The following DMD variants were observed in gnomAD, a reference collection of about 807,000 sequenced individuals.
DMD encodes the protein mutant dystrophin.
In DMD, 63 loss-of-function variants were observed where a neutral mutation model predicts 330.1. That is an observed-to-expected ratio of 0.19 (90% CI 0.16 to 0.24). DMD has a LOEUF of 0.24. DMD is among the 10% of genes least tolerant of loss of function. The pLI is 1.00. For missense variants in DMD, 3,344 were observed against 2,684.1 expected, an observed-to-expected ratio of 1.25 and a Z score of -5.43; for synonymous variants, 1,223 against 959.8, an observed-to-expected ratio of 1.27 and a Z score of -5.07.
chrX:32,008,005 AG>A (rs200189297), intron 44 of DMD, among the ~76,000 whole-genome samples: 1,556 of 111,503 alleles, frequency 0.014, 33 homozygotes, highest in African/African-American at 0.048. Flanking sequence ...TTACTAAAAA[AG>A]AAATTATCTG....
chrX:32,732,287 T>C (rs914578896), intron 7 of DMD, among the ~76,000 whole-genome samples: 2 of 111,178 alleles, frequency 1.8e-5, no homozygotes, highest in Non-Finnish European at 3.8e-5. Context: ...TACGTCTGAT[T>C]GGTGTACCTG....
chrX:31,166,666 A>C (rs1008963137), intron 74 of DMD, among the ~76,000 whole-genome samples: 1 of 111,338 alleles, frequency 9.0e-6, no homozygotes, highest in African/African-American at 3.3e-5. Flanking sequence ...AGGGTAGCGA[A>C]GGCAAATCTA....
intron 54 of DMD, among the ~76,000 whole-genome samples, chrX:31,647,682 T>C (rs1216053194): frequency 5.3e-5 from 6 of 112,261 alleles, no homozygotes; most frequent in African/African-American, 1.9e-4. Context: ...AGTAATTGTA[T>C]GAGCGGCCAT....
At chrX:32,922,031 T>C (rs2088468176) in intron 2 of DMD, among the ~76,000 whole-genome samples, 1 of 111,094 alleles carries the variant, frequency 9.0e-6, no homozygotes, top group Admixed American at 9.6e-5. Flanking sequence ...AGCTACCTCA[T>C]GATTACAGAT....
chrX:31,762,523 C>A (rs941740641), intron 51 of DMD, among the ~76,000 whole-genome samples: 1 of 111,491 alleles, frequency 9.0e-6, no homozygotes, highest in Non-Finnish European at 1.9e-5. Flanking sequence ...GAGTCGAGAT[C>A]GCGCCACTGC....
intron 7 of DMD, among the ~76,000 whole-genome samples, chrX:32,775,068 T>C (rs2074003052): frequency 8.9e-6 from 1 of 112,391 alleles, no homozygotes; most frequent in Non-Finnish European, 1.9e-5. Flanking sequence ...AAGTTTGAAA[T>C]GCAGCCAGGC....
chrX:31,508,679 T>C (rs1603283341), intron 55 of DMD, among the ~76,000 whole-genome samples: 3 of 112,070 alleles, frequency 2.7e-5, no homozygotes, highest in Non-Finnish European at 5.6e-5. Flanking sequence ...CTTTGTATAT[T>C]ATCTGACTTG....
chrX:31,754,056 G>A (rs1477802817), intron 51 of DMD, among the ~76,000 whole-genome samples: 4 of 111,426 alleles, frequency 3.6e-5, no homozygotes, highest in Non-Finnish European at 5.7e-5. Context: ...TGGCATGGCT[G>A]TACTAATCCA....
intron 11 of DMD, among the ~76,000 whole-genome samples, chrX:32,636,985 G>T (rs1427873341): frequency 9.2e-6 from 1 of 109,044 alleles, no homozygotes; most frequent in Non-Finnish European, 1.9e-5. Context: ...GAGACAGGGA[G>T]ACTCTGTCTC....
chrX:32,060,448 C>A (rs2096214720), intron 44 of DMD, among the ~76,000 whole-genome samples: 1 of 111,340 alleles, frequency 9.0e-6, no homozygotes, highest in African/African-American at 3.3e-5. Context: ...CTTCCTGCAA[C>A]CTTACCACAG....
intron 60 of DMD, among the ~76,000 whole-genome samples, chrX:31,372,406 G>T (rs1481556702): frequency 8.9e-6 from 1 of 111,800 alleles, no homozygotes; most frequent in African/African-American, 3.3e-5. Context: ...AATGAAAGAT[G>T]AATTGAAGGA....
rs745399882 is a variant in DMD at position 32,672,613 on chromosome X, C to T, written c.960+25257G>A. Among the ~76,000 whole-genome samples the T allele has an allele frequency of 9.9e-5, 11 of 110,742 alleles. No homozygotes were observed. The South Asian group carries it at 4.2e-3, about 42-fold the overall frequency. ...GGGACATAGAACAAAAATCCAACTACAACATTTTATGCTTTAACACAGTAT... is the reference window on the plus strand; with the variant it reads ...GGGACATAGAACAAAAATCCAACTATAACATTTTATGCTTTAACACAGTAT... On this transcript the variant is annotated intron_variant, in intron 9 of 78. Transcript: ENST00000357033.
At chrX:31,759,566 A>G (rs2089408804) in intron 51 of DMD, among the ~76,000 whole-genome samples, 1 of 111,999 alleles carries the variant, frequency 8.9e-6, no homozygotes, top group Admixed American at 9.5e-5. Context: ...ACAAACAAAA[A>G]GTGAATCCTT....
At chrX:31,589,675 T>C (rs1364730325) in intron 55 of DMD, among the ~76,000 whole-genome samples, 1 of 111,814 alleles carries the variant, frequency 8.9e-6, no homozygotes, top group Non-Finnish European at 1.9e-5. Flanking sequence ...AGTCTCAATG[T>C]AAGCAATGAT....
chrX:32,025,925 T>A (rs1315414709), intron 44 of DMD, among the ~76,000 whole-genome samples: 2 of 112,236 alleles, frequency 1.8e-5, no homozygotes, highest in Non-Finnish European at 3.8e-5. Context: ...TCTGAAATCC[T>A]AAACAAATGT....
chrX:33,338,250 A>G (rs1242600939), intron 1 of DMD, among the ~76,000 whole-genome samples: 1 of 110,981 alleles, frequency 9.0e-6, no homozygotes, highest in Non-Finnish European at 1.9e-5. Context: ...AACGATGCAT[A>G]GTTTATACAA....
intron 44 of DMD, among the ~76,000 whole-genome samples, chrX:32,014,670 T>C (rs2095745753): frequency 8.9e-6 from 1 of 111,818 alleles, no homozygotes; most frequent in Non-Finnish European, 1.9e-5. Context: ...ATAGTAAGTG[T>C]TCAATAAACA....
chrX:31,322,186 G>A (rs972462497), intron 62 of DMD, among the ~76,000 whole-genome samples: 2 of 112,023 alleles, frequency 1.8e-5, no homozygotes, highest in Non-Finnish European at 3.8e-5. Flanking sequence ...ATTGGTTGAA[G>A]AAGTAGCAGG....
chrX:33,326,796 T>C (rs775583163), intron 1 of DMD, among the ~76,000 whole-genome samples: 5 of 111,259 alleles, frequency 4.5e-5, no homozygotes, highest in Non-Finnish European at 9.4e-5. Context: ...GAAGGTACAT[T>C]AGGAAGCTAT....
Sources: gnomAD v4.1 joint callset for allele counts (sites outside exome capture counted in the v4.1 genomes callset) on GRCh38, gnomAD v4.1.1 for gene constraint, MANE v1.5 for transcripts, NCBI Gene and HGNC (gene_info 2026-07-23, HGNC 2026-07-21) for gene names.